Variants in ZER1 observed in about 807,000 individuals in gnomAD.
The protein encoded by ZER1 is zyg-11 related cell cycle regulator.
ZER1 carries 11 observed loss-of-function variants against 78.8 expected under a neutral mutation model. That is an observed-to-expected ratio of 0.14 (90% CI 0.09 to 0.23). The LOEUF (loss-of-function observed/expected upper bound fraction) is 0.23. Ranked by LOEUF, ZER1 falls within the 10% of genes least tolerant of loss-of-function variation. ZER1 has a pLI of 1.00. For missense variants in ZER1, 588 were observed against 996.9 expected, an observed-to-expected ratio of 0.59 and a Z score of 5.52; for synonymous variants, 400 against 407.0, an observed-to-expected ratio of 0.98 and a Z score of 0.21.
At chr9:128,735,193 G>A (rs961372858) in intron 14 of ZER1, 141 bp downstream of exon 14, 10 of 741,230 alleles carry the variant, frequency 1.3e-5, no homozygotes, top group South Asian at 8.1e-5. Flanking sequence ...TCCCACAAAC[G>A]CTGGAAAGTG....
At position 128,741,003 on chromosome 9, in the gene ZER1, G is replaced by A. The variant is rs528269922; in HGVS notation, c.1738-116C>T. ...GCCATGCCAACTAGACAAAGAGGGG[G>A]CATATATGCTGCCCTCCTACCCTCC... On this transcript the variant is annotated intron_variant, in intron 11 of 15. Transcript: ENST00000291900. The A allele has an allele frequency of 7.2e-5, 48 of 667,336 alleles. No individual in the cohort carries two copies. The South Asian group carries it at 7.4e-4, about 10-fold the overall frequency. The allele number at this position is 667,336 out of a possible 1,614,324, so 41.3% of individuals were successfully genotyped here. A position where few individuals can be genotyped will look rare whatever the true frequency, so the allele number is the denominator to read the frequency against.
At chr9:128,770,280 C>T (rs547801370) in intron 1 of ZER1, among the ~76,000 whole-genome samples, 23 of 152,158 alleles carry the variant, frequency 1.5e-4, no homozygotes, top group African/African-American at 4.8e-4. Flanking sequence ...TGAGCCACCA[C>T]GGCCAGCTAA....
At chr9:128,750,407 C>T (rs1863635720) in intron 8 of ZER1, among the ~76,000 whole-genome samples, 1 of 152,168 alleles carries the variant, frequency 6.6e-6, no homozygotes, top group Non-Finnish European at 1.5e-5. Context: ...TGGGCCCCCA[C>T]CCCCACATGG....
At chr9:128,734,164 A>T (rs1473111815) in intron 14 of ZER1, among the ~76,000 whole-genome samples, 7 of 52,686 alleles carry the variant, frequency 1.3e-4, no homozygotes, top group Non-Finnish European at 2.7e-4. Flanking sequence ...TATATATATA[A>T]AATCTTAAAA....
chr9:128,751,463 C>T lies in ZER1; in HGVS notation c.988G>A (p.Gly330Arg), dbSNP rs765578209. The change falls in exon 6 of 16, where the codon GGG (glycine) becomes AGG (arginine). Residue 330 changes from glycine (G) to arginine (R), a missense_variant. Around this residue, in one of 3 missense-constraint regions of ZER1, gnomAD observed 406 missense variants for 660.1 expected, o/e 0.62. Coordinates refer to ENST00000291900, the MANE Select transcript of ZER1 (RefSeq NM_006336.4). This position sits in a 1 kb window ranked among gnomAD's most constrained non-coding sequence, Gnocchi z 5.4. ...RALKRPLQFL[G>R]LFENSLCRLT... ...CGGCACAGAGAGTTCTCAAAGAGCCCGAGGAACTGCAGCGGCCTCTTCAGA... is the reference window on the plus strand; with the variant it reads ...CGGCACAGAGAGTTCTCAAAGAGCCTGAGGAACTGCAGCGGCCTCTTCAGA... 5 of 1,614,080 alleles carry T rather than the reference C, an allele frequency of 3.1e-6. No individual in the cohort carries two copies. Among genetic ancestry groups the T allele is most frequent in the East Asian group, 2.2e-5 (1 of 44,868 alleles).
In ZER1 at chr9:128,740,477, G is replaced by T. The variant is rs1030796488; in HGVS notation, c.1853+295C>A. Among the ~76,000 whole-genome samples the T allele has an allele frequency of 3.3e-5, 5 of 152,122 alleles. No homozygotes were observed. Among genetic ancestry groups the T allele is most frequent in the Non-Finnish European group, 5.9e-5 (4 of 68,008 alleles). ...CGCCTGTAGTCTCAGCTACTCGGGA[G>T]GCTGAGGCAGGAGAATGGCGTGAAC... On this transcript the variant is annotated intron_variant, in intron 12 of 15. Coordinates refer to ENST00000291900, the MANE Select transcript of ZER1 (RefSeq NM_006336.4). The surrounding 1 kb of genome is among the most constrained non-coding windows in gnomAD (Gnocchi z 4.4).
chr9:128,748,395 C>G (rs1325115589), intron 8 of ZER1, among the ~76,000 whole-genome samples: 2 of 79,828 alleles, frequency 2.5e-5, no homozygotes, highest in Non-Finnish European at 5.6e-5. Context: ...GAGCGAGACT[C>G]TGTCTCAAAA....
chr9:128,768,658 T>C (rs1389639644), intron 1 of ZER1, among the ~76,000 whole-genome samples: 1 of 152,168 alleles, frequency 6.6e-6, no homozygotes, highest in Non-Finnish European at 1.5e-5. Flanking sequence ...CTGGCCCAGT[T>C]GCCCTGCTCA....
At chr9:128,768,988 C>T (rs1864300366) in intron 1 of ZER1, among the ~76,000 whole-genome samples, 1 of 152,012 alleles carries the variant, frequency 6.6e-6, no homozygotes, top group African/African-American at 2.4e-5. Context: ...CTATGTTCTC[C>T]AGACTGGTCT....
intron 8 of ZER1, among the ~76,000 whole-genome samples, chr9:128,743,707 A>G (rs2132419369): frequency 6.6e-6 from 1 of 151,714 alleles, no homozygotes; most frequent in African/African-American, 2.4e-5. Context: ...GGCATGAGCA[A>G]CTGCACCTGG....
chr9:128,750,683 C>G lies in ZER1; in HGVS notation c.1292G>C (p.Ser431Thr), dbSNP rs757806256. ...GATAACCTGCCGGCGCAGCTTCACA[C>G]TCTGCTCTGAGCGGTACTCGGAATT... Reference protein sequence around the residue: ...LTNSEYRSEQSVKLRRQVIQV... With the variant: ...LTNSEYRSEQTVKLRRQVIQV... The change falls in exon 8 of 16, where the codon AGT becomes ACT. Residue 431 changes from serine to threonine, a missense_variant. Ser to Thr is a moderately conservative substitution (Grantham distance 58). Transcript: ENST00000291900. 1 of 1,614,252 alleles carries G rather than the reference C, an allele frequency of 6.2e-7. No individual in the cohort carries two copies. Among genetic ancestry groups the G allele is most frequent in the South Asian group, 1.1e-5 (1 of 91,086 alleles).
chr9:128,759,041 G>A (rs1863955267), intron 1 of ZER1, among the ~76,000 whole-genome samples: 1 of 151,402 alleles, frequency 6.6e-6, no homozygotes, highest in South Asian at 2.1e-4. Flanking sequence ...TCTGTCACCA[G>A]GCTGGAGTGC....
rs1381530319 is a variant in ZER1 at position 128,754,061 on chromosome 9, A to C, written c.159-102T>G. ...CCCTGAAGCTTTCTTGGATCACCCC[A>C]AGTAGCAACCTCCTTCTCCTAAGAG... On this transcript the variant is annotated intron_variant, in intron 2 of 15. Coordinates refer to ENST00000291900, the MANE Select transcript of ZER1 (RefSeq NM_006336.4). This position sits in a 1 kb window ranked among gnomAD's most constrained non-coding sequence, Gnocchi z 4.3. 7.1e-7 allele frequency: 1 copy of C among 1,404,890 alleles called. No homozygotes were observed. Among genetic ancestry groups the C allele is most frequent in the Non-Finnish European group, 9.6e-7 (1 of 1,038,872 alleles). 87.0% of individuals were successfully genotyped at this position (1,404,890 alleles called of 1,614,324 possible). A position where few individuals can be genotyped will look rare whatever the true frequency, so the allele number is the denominator to read the frequency against.
At chr9:128,738,227 G>A (rs1863157287) in intron 13 of ZER1, among the ~76,000 whole-genome samples, 1 of 143,434 alleles carries the variant, frequency 7.0e-6, no homozygotes, top group Admixed American at 7.2e-5. Flanking sequence ...TGTATTTTTA[G>A]TAGAGGTGGG....
At position 128,753,455 on chromosome 9, in the gene ZER1, C is replaced by T; in HGVS notation, c.455G>A (p.Cys152Tyr). 1 of 1,614,172 alleles carries T rather than the reference C, an allele frequency of 6.2e-7. No individual in the cohort carries two copies. The highest frequency in any genetic ancestry group is 8.5e-7 in the Non-Finnish European group (1 of 1,180,012). ...GGGGTTGACGAGGTACTCATCTTCACAGCCCCCTGGGTTCTCCTCCTCATA... is the reference window on the plus strand; with the variant it reads ...GGGGTTGACGAGGTACTCATCTTCATAGCCCCCTGGGTTCTCCTCCTCATA... ...IFYEEENPGG[C>Y]EDEYLVNPTC... Residue 152 changes from cysteine to tyrosine, a missense_variant, in exon 4 of 16, where the codon TGT becomes TAT. Physicochemically the swap from Cys to Tyr is radical, Grantham distance 194. This residue lies in a region of ZER1 where 406 missense variants were observed against 660.1 expected (regional missense o/e 0.62). Coordinates refer to ENST00000291900, the MANE Select transcript of ZER1 (RefSeq NM_006336.4). The surrounding 1 kb of genome is among the most constrained non-coding windows in gnomAD (Gnocchi z 7.5).
At chr9:128,738,574 G>A (rs1470822257) in intron 13 of ZER1, among the ~76,000 whole-genome samples, 4 of 145,778 alleles carry the variant, frequency 2.7e-5, no homozygotes, top group Admixed American at 2.1e-4. Flanking sequence ...TTTAGTAGAG[G>A]TGGGGTTTCA....
chr9:128,730,791 A>C lies in ZER1; in HGVS notation c.*546T>G, dbSNP rs1471432654. ...CCCCAGATGGCCCACAGCCGGGAGC[A>C]CCAAGGCTTTTGGGAGACCCAGTGG... On this transcript the variant is annotated 3_prime_UTR_variant, in exon 16 of 16. Coordinates refer to ENST00000291900, the MANE Select transcript of ZER1 (RefSeq NM_006336.4). The C allele has an allele frequency of 6.5e-6, 1 of 152,768 alleles. No individual in the cohort carries two copies. The highest frequency in any genetic ancestry group is 1.5e-5 in the Non-Finnish European group (1 of 68,166). 9.5% of individuals were successfully genotyped at this position (152,768 alleles called of 1,614,324 possible). A position where few individuals can be genotyped will look rare whatever the true frequency, so the allele number is the denominator to read the frequency against.
At chr9:128,748,128 G>A (rs906345281) in intron 8 of ZER1, among the ~76,000 whole-genome samples, 6 of 151,872 alleles carry the variant, frequency 4.0e-5, no homozygotes, top group South Asian at 2.1e-4. Flanking sequence ...ACTGTGGGCC[G>A]GGCATGGTGG....
Position 128,744,422 on chromosome 9 carries a change from G to A in ZER1, c.1360-1677C>T, listed in dbSNP as rs571171465. Among the ~76,000 whole-genome samples the A allele has an allele frequency of 4.6e-5, 7 of 151,594 alleles. No homozygotes were observed. In the South Asian group the frequency reaches 1.3e-3, roughly 27 times the overall value. On this transcript the variant is annotated intron_variant, in intron 8 of 15. Coordinates refer to ENST00000291900, the MANE Select transcript of ZER1 (RefSeq NM_006336.4). ...TTGGCCAAGATGGTCTTGATCTCAT[G>A]ATCCACCAGCCTCAGCCTCCCAAAG... is the stretch of plus-strand genomic sequence containing the variant.
Sources: allele counts gnomAD v4.1 joint callset (sites outside exome capture counted in the v4.1 genomes callset), GRCh38; gene constraint gnomAD v4.1.1; regional missense constraint gnomAD v4.1.1; non-coding constraint Gnocchi (gnomAD v3.1); transcripts MANE v1.5; gene names NCBI Gene and HGNC (gene_info 2026-07-23, HGNC 2026-07-21).